TENM2: variants seen among roughly 807,000 people sequenced by gnomAD.
TENM2 encodes the protein teneurin transmembrane protein 2.
A neutral mutation model predicts 245.2 loss-of-function variants in TENM2; 52 were observed. The ratio of observed to expected loss-of-function variants is 0.21; its 90% confidence interval spans 0.17 to 0.27. The LOEUF (loss-of-function observed/expected upper bound fraction) is 0.27. TENM2 is among the 10% of genes least tolerant of loss of function. TENM2 has a pLI of 1.00. For missense variants in TENM2, 3,046 were observed against 3,666.8 expected, an observed-to-expected ratio of 0.83 and a Z score of 4.37; for synonymous variants, 1,363 against 1,438.9, an observed-to-expected ratio of 0.95 and a Z score of 1.19.
At chr5:167,331,480 A>G (rs1457599241) in intron 1 of TENM2, among the ~76,000 whole-genome samples, 1 of 152,190 alleles carries the variant, frequency 6.6e-6, no homozygotes, top group Admixed American at 6.5e-5. Flanking sequence ...ATGTACCTAC[A>G]GAAGTGAGGA....
At chr5:167,926,894 G>T (rs190327) in intron 3 of TENM2, among the ~76,000 whole-genome samples, 1 of 152,028 alleles carries the variant, frequency 6.6e-6, no homozygotes, top group Non-Finnish European at 1.5e-5. Flanking sequence ...AGAGTACTTG[G>T]CATCTCTCTG....
chr5:167,801,983 G>T lies in TENM2; in HGVS notation c.503-74003G>T, dbSNP rs1055629800. Among the ~76,000 whole-genome samples the T allele has an allele frequency of 2.0e-5, 3 of 152,194 alleles. No individual in the cohort carries two copies. The East Asian group carries it at 5.8e-4, about 29-fold the overall frequency. On this transcript the variant is annotated intron_variant, in intron 2 of 28. Coordinates refer to ENST00000518659, the Ensembl canonical transcript of TENM2. Reference sequence around the variant, plus strand: ...TTTCTGAGACTTCTGGAGACTGAAAGTCCAAGATTAGCGTGCTGGCAGGTT... The same window carrying T: ...TTTCTGAGACTTCTGGAGACTGAAATTCCAAGATTAGCGTGCTGGCAGGTT...
At chr5:167,641,838 C>G (rs923133697) in intron 2 of TENM2, among the ~76,000 whole-genome samples, 1 of 151,984 alleles carries the variant, frequency 6.6e-6, no homozygotes, top group African/African-American at 2.4e-5. Context: ...TACCACCATG[C>G]CTGGCACAAA....
At chr5:166,989,086 T>C in the TENM2 span, among the ~76,000 whole-genome samples, 1 of 151,840 alleles carries the variant, frequency 6.6e-6, no homozygotes, top group African/African-American at 2.4e-5. Context: ...TTTTTTTTTT[T>C]CTTGTCAGAG....
chr5:167,482,502 A>G (rs1767818210), intron 2 of TENM2, among the ~76,000 whole-genome samples: 1 of 152,170 alleles, frequency 6.6e-6, no homozygotes, highest in Non-Finnish European at 1.5e-5. Context: ...AGATTTTTTT[A>G]CAGAATTCTT....
chr5:167,787,099 C>G (rs1325949887), intron 2 of TENM2, among the ~76,000 whole-genome samples: 6 of 152,178 alleles, frequency 3.9e-5, no homozygotes, highest in African/African-American at 2.4e-5. Flanking sequence ...TAAGGAGCAT[C>G]TGCTGCTGTT....
chr5:167,026,591 G>GT, the TENM2 span, among the ~76,000 whole-genome samples: 1 of 152,096 alleles, frequency 6.6e-6, no homozygotes, highest in Admixed American at 6.5e-5. Flanking sequence ...TCTGTCCTCT[G>GT]TAACTCCACA....
intron 2 of TENM2, among the ~76,000 whole-genome samples, chr5:167,510,890 T>C (rs1362358746): frequency 2.0e-5 from 3 of 152,118 alleles, no homozygotes; most frequent in Non-Finnish European, 4.4e-5. Context: ...TCATAGCTTT[T>C]TGTCATTTTG....
At chr5:167,984,679 GT>G (rs940032627) in intron 4 of TENM2, among the ~76,000 whole-genome samples, 110 of 152,026 alleles carry the variant, frequency 7.2e-4, no homozygotes, top group African/African-American at 2.6e-3. Flanking sequence ...TTATATGCTT[GT>G]TTTTTTTGTA....
intron 2 of TENM2, among the ~76,000 whole-genome samples, chr5:167,793,846 A>T (rs2150910272): frequency 6.6e-6 from 1 of 152,104 alleles, no homozygotes; most frequent in African/African-American, 2.4e-5. Context: ...AAAAAGAAAA[A>T]AAAAGAAGCA....
At chr5:167,731,200 GT>G (rs11398245) in intron 2 of TENM2, among the ~76,000 whole-genome samples, 93 of 142,594 alleles carry the variant, frequency 6.5e-4, no homozygotes, top group Admixed American at 3.0e-3. Flanking sequence ...CCTCCAGACA[GT>G]TTTTTTTTTT....
At position 168,259,519 on chromosome 5, in the gene TENM2, C is replaced by G. The variant is rs149495544; in HGVS notation, c.7433-764C>G. On this transcript the variant is annotated intron_variant, in intron 27 of 28. Coordinates refer to ENST00000518659, the Ensembl canonical transcript of TENM2. ...AGGAGAATTGCTTGAACCTGGGAGG[C>G]GGAGTTTGCAGTGAGCTGAGATTGC... is the stretch of plus-strand genomic sequence containing the variant. Among the ~76,000 whole-genome samples, 1,413 of 152,184 alleles carry G rather than the reference C, an allele frequency of 9.3e-3. 23 individuals are homozygous for G. Among genetic ancestry groups the G allele is most frequent in the African/African-American group, 0.033 (1,350 of 41,526 alleles).
intron 1 of TENM2, among the ~76,000 whole-genome samples, chr5:167,287,054 A>T (rs1177303065): frequency 1.3e-5 from 2 of 152,236 alleles, no homozygotes; most frequent in Non-Finnish European, 2.9e-5. Flanking sequence ...AAGTAGAAAT[A>T]AAAAGCATCA....
intron 2 of TENM2, among the ~76,000 whole-genome samples, chr5:167,479,794 G>A (rs1289488960): frequency 6.6e-6 from 1 of 152,176 alleles, no homozygotes; most frequent in Non-Finnish European, 1.5e-5. Flanking sequence ...GAAACCGGAA[G>A]CATAGTAAGA....
chr5:167,448,342 A>G (rs1263640102), intron 2 of TENM2, among the ~76,000 whole-genome samples: 5 of 151,958 alleles, frequency 3.3e-5, no homozygotes, highest in African/African-American at 1.2e-4. Flanking sequence ...GTTCTATTTT[A>G]TTGTGGCTCG....
intron 25 of TENM2, among the ~76,000 whole-genome samples, chr5:168,235,698 T>C (rs1765368980): frequency 6.6e-6 from 1 of 151,950 alleles, no homozygotes; most frequent in Non-Finnish European, 1.5e-5. Flanking sequence ...TCCCAGCTAC[T>C]TCGGAGGCTG....
Position 167,635,633 on chromosome 5 carries a change from C to CTTTTTTTTTTTTTTTTTTTTTTTT in TENM2, c.503-240347_503-240324dup, listed in dbSNP as rs76155764. On this transcript the variant is annotated intron_variant, in intron 2 of 28. Transcript: ENST00000518659. Reference sequence around the variant, plus strand: ...GGAATCTGGCTATGATCAGTACAGTCTTTTTTTTTTTTTTTTTTTTTTTTT... The same window carrying CTTTTTTTTTTTTTTTTTTTTTTTT: ...GGAATCTGGCTATGATCAGTACAGTCTTTTTTTTTTTTTTTTTTTTTTTTTTTTTTTTTTTTTTTTTTTTTTTTT... Among the ~76,000 whole-genome samples the CTTTTTTTTTTTTTTTTTTTTTTTT allele has an allele frequency of 5.3e-4, 40 of 74,938 alleles. 6 individuals are homozygous for CTTTTTTTTTTTTTTTTTTTTTTTT. Among genetic ancestry groups the CTTTTTTTTTTTTTTTTTTTTTTTT allele is most frequent in the East Asian group, 4.7e-3 (8 of 1,710 alleles). 49.2% of individuals were successfully genotyped at this position (74,938 alleles called of 152,430 possible).
chr5:167,878,823 G>GT (rs1773648755), intron 3 of TENM2, among the ~76,000 whole-genome samples: 1 of 152,154 alleles, frequency 6.6e-6, no homozygotes, highest in Admixed American at 6.5e-5. Flanking sequence ...GTGGCCTTGT[G>GT]TTTGGGTGTG....
chr5:167,834,077 C>G (rs144826827), intron 2 of TENM2, among the ~76,000 whole-genome samples: 2 of 106,630 alleles, frequency 1.9e-5, no homozygotes, highest in East Asian at 2.1e-4. Context: ...AGCTGACATT[C>G]TAGAAGGTGA....
Sources: gnomAD v4.1 joint callset for allele counts (sites outside exome capture counted in the v4.1 genomes callset) on GRCh38, gnomAD v4.1.1 for gene constraint, MANE v1.5 for transcripts, NCBI Gene and HGNC (gene_info 2026-07-23, HGNC 2026-07-21) for gene names.